Variants in ITSN2 observed in about 807,000 individuals in gnomAD.
ITSN2 encodes intersectin 2.
A neutral mutation model predicts 243.7 loss-of-function variants in ITSN2; 156 were observed. The observed-to-expected ratio is 0.64, with a 90% CI of 0.56 to 0.73. The LOEUF (loss-of-function observed/expected upper bound fraction) is 0.73. Ranked by LOEUF, ITSN2 falls within the 30% of genes least tolerant of loss-of-function variation. ITSN2 has a pLI of 0.00. For missense variants in ITSN2, 1,801 were observed against 1,996.1 expected (o/e 0.90, Z 1.86); for synonymous variants, 703 against 699.9 (o/e 1.00, Z -0.07).
intron 31 of ITSN2, among the ~76,000 whole-genome samples, chr2:24,216,472 T>A (rs575882972): frequency 8.5e-5 from 13 of 152,206 alleles, no homozygotes; most frequent in African/African-American, 3.1e-4. Flanking sequence ...TGCAGTTGGG[T>A]GGGCTGGGCA....
Position 24,295,725 on chromosome 2 carries a change from A to T in ITSN2, c.1574T>A (p.Val525Asp). The T allele has an allele frequency of 6.4e-7, 1 of 1,563,700 alleles. No individual in the cohort carries two copies. The highest frequency in any genetic ancestry group is 1.2e-5 in the South Asian group (1 of 81,264). The stretch of plus-strand genomic sequence containing the variant: ...TTCCAAGTCACACTGCTTATCCAGA[A>T]CTTCCAGCTCAGTCTTTTGAGTTTG... ...KKQTQKTELE[V>D]LDKQCDLEIM... Residue 525 changes from valine (V) to aspartate (D), a missense_variant, in exon 14 of 40, where the codon GTT becomes GAT. Physicochemically the swap from Val to Asp is radical, Grantham distance 152 (BLOSUM62 -3). Coordinates refer to ENST00000355123, the MANE Select transcript of ITSN2 (RefSeq NM_006277.3).
rs1668507807 is a variant in ITSN2 at position 24,203,255 on chromosome 2, G to A, written c.*371C>T. On this transcript the variant is annotated 3_prime_UTR_variant, in exon 40 of 40. Transcript: ENST00000355123. Reference sequence around the variant, plus strand: ...CCAGCAGAGGTCACTGGCGTGGAATGGTTACAGCGTCACCAAACCACTCCA... The same window carrying A: ...CCAGCAGAGGTCACTGGCGTGGAATAGTTACAGCGTCACCAAACCACTCCA... The A allele has an allele frequency of 5.8e-6, 1 of 171,598 alleles. No individual in the cohort carries two copies. The highest frequency in any genetic ancestry group is 1.3e-5 in the Non-Finnish European group (1 of 79,142). The allele number at this position is 171,598 out of a possible 1,614,324, so 10.6% of individuals were successfully genotyped here. A position where few individuals can be genotyped will look rare whatever the true frequency, so the allele number is the denominator to read the frequency against.
chr2:24,262,835 C>T (rs1010606549), intron 20 of ITSN2, among the ~76,000 whole-genome samples: 13 of 152,184 alleles, frequency 8.5e-5, no homozygotes, highest in Middle Eastern at 6.3e-3. Context: ...TCCCCTCCTT[C>T]TCCTAAATTC....
At chr2:24,326,336 T>C (rs1026601180) in intron 2 of ITSN2, among the ~76,000 whole-genome samples, 7 of 152,174 alleles carry the variant, frequency 4.6e-5, no homozygotes, top group Admixed American at 1.3e-4. Flanking sequence ...TGCAATGAAC[T>C]GCAAAGTAGA....
intron 1 of ITSN2, among the ~76,000 whole-genome samples, chr2:24,345,184 C>T (rs1402065859): frequency 1.3e-5 from 2 of 152,120 alleles, no homozygotes; most frequent in South Asian, 2.1e-4. Flanking sequence ...ATATTAAAGG[C>T]TACTGTATGG....
intron 8 of ITSN2, among the ~76,000 whole-genome samples, chr2:24,307,522 T>C (rs1682709170): frequency 6.6e-6 from 1 of 152,202 alleles, no homozygotes; most frequent in Non-Finnish European, 1.5e-5. Flanking sequence ...AAGAACTAGA[T>C]TACTACTAAA....
At chr2:24,205,832 T>C (rs936375776) in intron 37 of ITSN2, 5 of 162,858 alleles carry the variant, frequency 3.1e-5, no homozygotes, top group Non-Finnish European at 5.4e-5. Flanking sequence ...GCTAGACTTA[T>C]GTAAATTATA....
chr2:24,328,976 C>T (rs1240326205), intron 1 of ITSN2, among the ~76,000 whole-genome samples: 2 of 152,166 alleles, frequency 1.3e-5, no homozygotes, highest in East Asian at 1.9e-4. Context: ...TGGGTTCAAA[C>T]CCAGCTCTGC....
chr2:24,327,883 A>G (rs1685330502), intron 2 of ITSN2, among the ~76,000 whole-genome samples, 169 bp downstream of exon 2: 1 of 152,216 alleles, frequency 6.6e-6, no homozygotes, highest in Non-Finnish European at 1.5e-5. Context: ...GATTTACAAC[A>G]TAATATTCTT....
intron 1 of ITSN2, among the ~76,000 whole-genome samples, chr2:24,356,810 G>A (rs1328085710): frequency 6.6e-6 from 1 of 151,774 alleles, no homozygotes; most frequent in Non-Finnish European, 1.5e-5. Flanking sequence ...GGCTGAGGCA[G>A]AAGAATCACT....
intron 20 of ITSN2, among the ~76,000 whole-genome samples, chr2:24,269,371 C>T (rs1204224290): frequency 6.6e-6 from 1 of 152,222 alleles, no homozygotes; most frequent in Non-Finnish European, 1.5e-5. Context: ...TATATTCCCC[C>T]TCTGATTTTC....
At chr2:24,240,695 C>G (rs542357145) in intron 29 of ITSN2, 10 of 152,282 alleles carry the variant, frequency 6.6e-5, no homozygotes, top group Non-Finnish European at 1.5e-4. Flanking sequence ...ACATATTTCA[C>G]TCTTTGTAAA....
chr2:24,355,090 T>G (rs1218227984), intron 1 of ITSN2, among the ~76,000 whole-genome samples: 3 of 152,138 alleles, frequency 2.0e-5, no homozygotes, highest in Admixed American at 2.0e-4. Context: ...TCCTCTTTGC[T>G]CTCATATCCT....
chr2:24,286,463 A>G (rs1254249949), intron 15 of ITSN2, 112 bp from the exon 16 acceptor site: 2 of 828,352 alleles, frequency 2.4e-6, no homozygotes, highest in African/African-American at 1.7e-5. Flanking sequence ...CGAAGGATGT[A>G]TACACAATGC....
At chr2:24,332,753 CTT>C (rs1685926746) in intron 1 of ITSN2, among the ~76,000 whole-genome samples, 1 of 152,156 alleles carries the variant, frequency 6.6e-6, no homozygotes, top group South Asian at 2.1e-4. Context: ...CAGAGTAGTA[CTT>C]AACAATTATA....
intron 18 of ITSN2, among the ~76,000 whole-genome samples, chr2:24,274,097 G>A (rs1447143184): frequency 1.3e-5 from 2 of 152,218 alleles, no homozygotes; most frequent in African/African-American, 4.8e-5. Context: ...TAAGGTAACT[G>A]CATATGTCAA....
chr2:24,329,320 G>C (rs1685521579), intron 1 of ITSN2, among the ~76,000 whole-genome samples: 2 of 152,272 alleles, frequency 1.3e-5, no homozygotes, highest in South Asian at 4.1e-4. Flanking sequence ...GAGTGCAGTG[G>C]CGCAGTCTTG....
chr2:24,340,561 C>G (rs774943943), intron 1 of ITSN2, among the ~76,000 whole-genome samples: 25 of 152,092 alleles, frequency 1.6e-4, no homozygotes, highest in Non-Finnish European at 3.2e-4. Context: ...CCCCAAAGTC[C>G]CCTCATGCTC....
chr2:24,252,808 A>G (rs1051647842), intron 24 of ITSN2, among the ~76,000 whole-genome samples: 6 of 152,238 alleles, frequency 3.9e-5, no homozygotes, highest in African/African-American at 1.4e-4. Context: ...TAGTATCTCT[A>G]TAGATAAATA....
Sources: gnomAD v4.1 joint callset for allele counts (sites outside exome capture counted in the v4.1 genomes callset) on GRCh38, gnomAD v4.1.1 for gene constraint, MANE v1.5 for transcripts, NCBI Gene and HGNC (gene_info 2026-07-23, HGNC 2026-07-21) for gene names.